Variants in ST3GAL3 observed in about 807,000 individuals in gnomAD.
The protein encoded by ST3GAL3 is CMP-N-acetylneuraminate-beta-1,4-galactoside alpha-2,3-sialyltransferase.
In ST3GAL3, 21 loss-of-function variants were observed where a neutral mutation model predicts 50.1. The observed-to-expected ratio is 0.42, with a 90% CI of 0.30 to 0.60. The LOEUF (loss-of-function observed/expected upper bound fraction) is 0.60. ST3GAL3 is among the 20% of genes least tolerant of loss of function. The pLI, the probability that ST3GAL3 is intolerant of heterozygous loss-of-function variation, is 0.19. For synonymous variants in ST3GAL3, 183 were observed against 190.0 expected (o/e 0.96, Z 0.30); for missense variants, 353 against 489.4 (o/e 0.72, Z 2.63).
chr1:43,865,067 A>G (rs2070983718), intron 5 of ST3GAL3, among the ~76,000 whole-genome samples: 1 of 147,414 alleles, frequency 6.8e-6, no homozygotes, highest in Non-Finnish European at 1.5e-5. Context: ...CCCAGGCTGG[A>G]GTGCAGTGGC....
Position 43,920,778 on chromosome 1 carries a change from C to A in ST3GAL3, c.892-4C>A. 2 of 1,614,200 alleles carry A rather than the reference C, an allele frequency of 1.2e-6. No homozygotes were observed. Among genetic ancestry groups the A allele is most frequent in the South Asian group, 1.1e-5 (1 of 91,088 alleles). On this transcript the variant is annotated splice_region_variant and splice_polypyrimidine_tract_variant and intron_variant, in intron 10 of 11. Coordinates refer to ENST00000347631, the MANE Select transcript of ST3GAL3 (RefSeq NM_006279.5). Reference sequence around the variant, plus strand: ...CTTCTCTCACCCCTGCCCCCGTCTTCTAGAACATCCCTACCCTTGGCAGTG... The same window carrying A: ...CTTCTCTCACCCCTGCCCCCGTCTTATAGAACATCCCTACCCTTGGCAGTG...
intron 2 of ST3GAL3, among the ~76,000 whole-genome samples, chr1:43,747,189 C>A (rs1476951277): frequency 6.6e-6 from 1 of 152,156 alleles, no homozygotes; most frequent in African/African-American, 2.4e-5. Context: ...GCGGGCAGAT[C>A]ACCAGGTCAG....
chr1:43,920,905 G>A lies in ST3GAL3; in HGVS notation c.1015G>A (p.Val339Ile), dbSNP rs767586606. Reference sequence around the variant, plus strand: ...CGCACCCCTGCACTACTATGAGACCGTTCGCATGGCAGCCATCAAAGAGGT... The same window carrying A: ...CGCACCCCTGCACTACTATGAGACCATTCGCATGGCAGCCATCAAAGAGGT... ...PNAPLHYYET[V>I]RMAAIKESWT... Residue 339 changes from valine to isoleucine, a missense_variant, in exon 11 of 12, where the codon GTT (valine) becomes ATT (isoleucine). By Grantham distance (29) the Val-to-Ile change is conservative. Transcript: ENST00000347631. The A allele has an allele frequency of 4.3e-6, 7 of 1,613,484 alleles. No individual in the cohort carries two copies. The highest frequency in any genetic ancestry group is 2.7e-5 in the African/African-American group (2 of 74,872).
intron 2 of ST3GAL3, among the ~76,000 whole-genome samples, chr1:43,760,680 C>T (rs1220623232): frequency 5.3e-5 from 8 of 151,938 alleles, no homozygotes; most frequent in Admixed American, 1.3e-4. Flanking sequence ...CGCTTGAACT[C>T]GGGAGGTGGA....
At chr1:43,812,672 C>T (rs1257386217) in intron 3 of ST3GAL3, among the ~76,000 whole-genome samples, 1 of 152,094 alleles carries the variant, frequency 6.6e-6, no homozygotes, top group Non-Finnish European at 1.5e-5. Flanking sequence ...ATTATGCTAC[C>T]GAGGCTTATC....
At chr1:43,858,273 C>G in intron 5 of ST3GAL3, 1 of 1,287,510 alleles carries the variant, frequency 7.8e-7, no homozygotes, top group Non-Finnish European at 1.0e-6. Context: ...GGGAGACGTC[C>G]TGGTGAAGTC....
At chr1:43,743,483 C>G in intron 2 of ST3GAL3, 1 of 413,954 alleles carries the variant, frequency 2.4e-6, no homozygotes, top group Non-Finnish European at 4.9e-6. Context: ...AACGATCATA[C>G]TAATTTGAAG....
intron 1 of ST3GAL3, among the ~76,000 whole-genome samples, chr1:43,725,865 G>C (rs369669407): frequency 6.6e-6 from 1 of 151,954 alleles, no homozygotes; most frequent in Non-Finnish European, 1.5e-5. Context: ...GGCTAATCTC[G>C]AACTCTTAGG....
At chr1:43,834,155 C>T (rs2063940019) in intron 4 of ST3GAL3, among the ~76,000 whole-genome samples, 2 of 152,120 alleles carry the variant, frequency 1.3e-5, no homozygotes, top group Non-Finnish European at 2.9e-5. Context: ...AGTGAGACCC[C>T]GTCTCAGAAA....
At chr1:43,900,232 C>T (rs1331112702) in intron 9 of ST3GAL3, among the ~76,000 whole-genome samples, 9 of 152,196 alleles carry the variant, frequency 5.9e-5, no homozygotes. Flanking sequence ...GACCCCTCAA[C>T]TTGAGAGTGC....
intron 9 of ST3GAL3, among the ~76,000 whole-genome samples, chr1:43,905,602 G>C (rs866410992): frequency 9.3e-4 from 6 of 6,466 alleles, no homozygotes; most frequent in African/African-American, 3.0e-3. Context: ...TCCCGCCACT[G>C]TTTCTCCCCC....
At chr1:43,780,083 A>G (rs1322613543) in intron 2 of ST3GAL3, among the ~76,000 whole-genome samples, 1 of 152,118 alleles carries the variant, frequency 6.6e-6, no homozygotes, top group Admixed American at 6.5e-5. Context: ...TCTTCATTTA[A>G]TGGAACACAT....
chr1:43,836,287 T>G (rs1459596039), intron 4 of ST3GAL3, among the ~76,000 whole-genome samples: 1 of 152,264 alleles, frequency 6.6e-6, no homozygotes, highest in Non-Finnish European at 1.5e-5. Flanking sequence ...GACTTTTGGC[T>G]TTCTTTTGCC....
intron 4 of ST3GAL3, among the ~76,000 whole-genome samples, chr1:43,832,720 A>C (rs2063710875): frequency 6.6e-6 from 1 of 152,188 alleles, no homozygotes; most frequent in African/African-American, 2.4e-5. Flanking sequence ...AAAAAAATTA[A>C]AGTGAAAATA....
At chr1:43,824,988 C>A in intron 4 of ST3GAL3, 1 of 708,804 alleles carries the variant, frequency 1.4e-6, no homozygotes, top group Non-Finnish European at 2.6e-6. Flanking sequence ...GTAATTGATA[C>A]CAAGAATAAA....
chr1:43,756,100 C>CAAAAAAAAAAAAAA (rs139101819), intron 2 of ST3GAL3, among the ~76,000 whole-genome samples: 3 of 72,102 alleles, frequency 4.2e-5, no homozygotes, highest in African/African-American at 1.5e-4. Context: ...GAACCAGTCT[C>CAAAAAAAAAAAAAA]AAAAAAAAAA....
At position 43,717,202 on chromosome 1, in the gene ST3GAL3, G is replaced by A. The variant is rs1053332185; in HGVS notation, c.-31+9509G>A. 2.0e-5 allele frequency among the ~76,000 whole-genome samples: 3 copies of A among 152,092 alleles called. No individual in the cohort carries two copies. The East Asian group carries it at 5.8e-4, about 29-fold the overall frequency. ...TTCCTTGTTTATTCCATAACTGCAC[G>A]AATCACCCTGCTCCTTGAGGGCAGG... On this transcript the variant is annotated intron_variant, in intron 1 of 11. Coordinates refer to ENST00000347631, the MANE Select transcript of ST3GAL3 (RefSeq NM_006279.5).
intron 1 of ST3GAL3, among the ~76,000 whole-genome samples, chr1:43,711,771 C>T (rs1337439665): frequency 1.3e-5 from 2 of 152,172 alleles, no homozygotes; most frequent in Non-Finnish European, 2.9e-5. Flanking sequence ...TACTATGTTA[C>T]AGCATTCTTA....
chr1:43,741,393 C>T (rs1047150822), intron 2 of ST3GAL3, among the ~76,000 whole-genome samples: 39 of 152,164 alleles, frequency 2.6e-4, no homozygotes, highest in African/African-American at 9.4e-4. Flanking sequence ...TTACAGCTCC[C>T]TTTGTGTTCT....
Sources: allele counts gnomAD v4.1 joint callset (sites outside exome capture counted in the v4.1 genomes callset), GRCh38; gene constraint gnomAD v4.1.1; transcripts MANE v1.5; gene names NCBI Gene and HGNC (gene_info 2026-07-23, HGNC 2026-07-21).